ATP8B2: variants seen among roughly 807,000 people sequenced by gnomAD.
The protein encoded by ATP8B2 is ATPase phospholipid transporting 8B2.
Under a neutral mutation model 133.4 loss-of-function variants are expected in ATP8B2, and 70 were observed. The ratio of observed to expected loss-of-function variants is 0.52; its 90% CI spans 0.43 to 0.64. The LOEUF (loss-of-function observed/expected upper bound fraction) is 0.64, where lower values mean the gene tolerates loss of function less well. Ranked by LOEUF, ATP8B2 falls within the 30% of genes least tolerant of loss-of-function variation. The probability of loss-of-function intolerance (pLI) is 0.00; values close to 1 mark genes in which losing one functional copy is unlikely to be tolerated. For missense variants in ATP8B2, 1,101 were observed against 1,535.7 expected, an observed-to-expected ratio of 0.72 and a Z score of 4.73; for synonymous variants, 517 against 589.5, an observed-to-expected ratio of 0.88 and a Z score of 1.78.
intron 11 of ATP8B2, among the ~76,000 whole-genome samples, chr1:154,336,006 C>T (rs2149165663): frequency 6.7e-6 from 1 of 148,504 alleles, no homozygotes; most frequent in South Asian, 2.1e-4. Flanking sequence ...CGCGCCACTG[C>T]ACTCCAGCCT....
intron 11 of ATP8B2, among the ~76,000 whole-genome samples, chr1:154,335,589 G>A (rs889781563): frequency 1.3e-5 from 2 of 152,150 alleles, no homozygotes; most frequent in Non-Finnish European, 2.9e-5. Context: ...TTACTCTGGA[G>A]GCTGAGGCGG....
chr1:154,346,276 C>A lies in ATP8B2; in HGVS notation c.2824C>A (p.Pro942Thr), dbSNP rs1356823790. 6.2e-7 allele frequency: 1 copy of A among 1,614,132 alleles called. No homozygotes were observed. The highest frequency in any genetic ancestry group is 1.3e-5 in the African/African-American group (1 of 75,026). Residue 942 changes from proline to threonine, a missense_variant, in exon 25 of 28, where the codon CCG becomes ACG. Coordinates refer to ENST00000368489, the MANE Select transcript of ATP8B2 (RefSeq NM_001370597.1). The surrounding 1 kb of genome is among the most constrained non-coding windows in gnomAD (Gnocchi z 4.5). ...RSMEYPKLYE[P>T]GQLNLLFNKR... ...CATGGAGTACCCTAAGCTGTATGAG[C>A]CGGGCCAGCTGAACCTTCTCTTCAA...
rs769072068 is a variant in ATP8B2 at position 154,330,811 on chromosome 1, A to G, written c.91-4A>G. ...GCTCATTATCTTCTCTCCTACTGCC[A>G]TAGAGTAACTGCATCAAGACCTCCA... On this transcript the variant is annotated splice_region_variant and splice_polypyrimidine_tract_variant and intron_variant, in intron 3 of 27. Transcript: ENST00000368489. 1.2e-6 allele frequency: 2 copies of G among 1,610,994 alleles called. No homozygotes were observed. Among genetic ancestry groups the G allele is most frequent in the Non-Finnish European group, 1.7e-6 (2 of 1,177,142 alleles).
rs1377940464 is a variant in ATP8B2 at position 154,328,019 on chromosome 1, GAAGAGGGTCTTCAA to G, written c.-37-79_-37-66del. 6.6e-7 allele frequency: 1 copy of G among 1,522,676 alleles called. No homozygotes were observed. Among genetic ancestry groups the G allele is most frequent in the African/African-American group, 1.4e-5 (1 of 72,894 alleles). The allele number at this position is 1,522,676 out of a possible 1,614,324, so 94.3% of individuals were successfully genotyped here. ...GGGGAGGGGCAGGGTCAGAGCTGGA[GAAGAGGGTCTTCAA>G]AAGAGGTCTCATGAGGGGAGGGAAG... On this transcript the variant is annotated intron_variant, in intron 1 of 27. Coordinates refer to ENST00000368489, the MANE Select transcript of ATP8B2 (RefSeq NM_001370597.1). This position sits in a 1 kb window ranked among gnomAD's most constrained non-coding sequence, Gnocchi z 4.6.
In ATP8B2 at chr1:154,331,204, AC is replaced by A; in HGVS notation, c.303+63del. 2 of 1,470,338 alleles carry A rather than the reference AC, an allele frequency of 1.4e-6. No individual in the cohort carries two copies. Among genetic ancestry groups the A allele is most frequent in the Non-Finnish European group, 1.9e-6 (2 of 1,067,410 alleles). 91.1% of individuals were successfully genotyped at this position (1,470,338 alleles called of 1,614,324 possible). A position where few individuals can be genotyped will look rare whatever the true frequency, so the allele number is the denominator to read the frequency against. On this transcript the variant is annotated intron_variant, in intron 5 of 27. Coordinates refer to ENST00000368489, the MANE Select transcript of ATP8B2 (RefSeq NM_001370597.1). The surrounding 1 kb of genome is among the most constrained non-coding windows in gnomAD (Gnocchi z 4.8). ...GTCACCCACCCCTACTCCCAGCCCC[AC>A]CCCCATCTCATGGCCACCTTCATCC...
In ATP8B2 at chr1:154,334,682, C is replaced by A; in HGVS notation, c.837+91C>A. The A allele has an allele frequency of 8.6e-7, 1 of 1,159,364 alleles. No homozygotes were observed. Among genetic ancestry groups the A allele is most frequent in the Non-Finnish European group, 1.2e-6 (1 of 803,686 alleles). The allele number at this position is 1,159,364 out of a possible 1,614,324, so 71.8% of individuals were successfully genotyped here. On this transcript the variant is annotated intron_variant, in intron 11 of 27. Coordinates refer to ENST00000368489, the MANE Select transcript of ATP8B2 (RefSeq NM_001370597.1). This position sits in a 1 kb window ranked among gnomAD's most constrained non-coding sequence, Gnocchi z 4.6. ...TCCTCTTTCTTCTTTGGTCAGTAGACTTCAGGTTTGGCTTTAAAGCTGCTA... is the reference window on the plus strand; with the variant it reads ...TCCTCTTTCTTCTTTGGTCAGTAGAATTCAGGTTTGGCTTTAAAGCTGCTA...
chr1:154,338,798 C>T (rs900558785), intron 12 of ATP8B2: 1 of 152,112 alleles, frequency 6.6e-6, no homozygotes, highest in Non-Finnish European at 1.5e-5. Flanking sequence ...TTCACTGGAA[C>T]CCCTCCCCCA....
chr1:154,339,001 G>A (rs911782455), intron 12 of ATP8B2, among the ~76,000 whole-genome samples: 1 of 152,188 alleles, frequency 6.6e-6, no homozygotes. Context: ...AATGGCCAGG[G>A]GAAAGGAACT....
At position 154,325,646 on chromosome 1, in the gene ATP8B2, C is replaced by G. The variant is rs1461042691; in HGVS notation, c.-94C>G. Reference sequence around the variant, plus strand: ...CCGAGCCGAGCGCCCCCCGCCCCAGCCCCCGGCATGGGCAGTACGGGGCCG... The same window carrying G: ...CCGAGCCGAGCGCCCCCCGCCCCAGGCCCCGGCATGGGCAGTACGGGGCCG... On this transcript the variant is annotated 5_prime_UTR_variant, in exon 1 of 28. Coordinates refer to ENST00000368489, the MANE Select transcript of ATP8B2 (RefSeq NM_001370597.1). The G allele has an allele frequency of 2.0e-5, 3 of 152,012 alleles. No homozygotes were observed. Among genetic ancestry groups the G allele is most frequent in the African/African-American group, 7.3e-5 (3 of 41,376 alleles). The allele number at this position is 152,012 out of a possible 1,614,324, so 9.4% of individuals were successfully genotyped here.
intron 8 of ATP8B2, among the ~76,000 whole-genome samples, 197 bp downstream of exon 8, chr1:154,332,221 G>T (rs1275061234): frequency 6.6e-6 from 1 of 152,178 alleles, no homozygotes; most frequent in Non-Finnish European, 1.5e-5. Context: ...ATGCTTAGGT[G>T]TCACCAGGTA....
At position 154,331,909 on chromosome 1, in the gene ATP8B2, G is replaced by C; in HGVS notation, c.439-45G>C. 3 of 1,570,494 alleles carry C rather than the reference G, an allele frequency of 1.9e-6. No homozygotes were observed. Among genetic ancestry groups the C allele is most frequent in the Non-Finnish European group, 2.6e-6 (3 of 1,140,490 alleles). ...GAGCCACCATTACAGCCCACTGGGG[G>C]TGGAGGTTTGCATATTTGGACTTCT... is the stretch of plus-strand genomic sequence containing the variant. On this transcript the variant is annotated intron_variant, in intron 7 of 27. Transcript: ENST00000368489. The surrounding 1 kb of genome is among the most constrained non-coding windows in gnomAD (Gnocchi z 4.8).
Position 154,334,212 on chromosome 1 carries a change from G to A in ATP8B2, c.695G>A (p.Arg232Gln). The A allele has an allele frequency of 1.9e-6, 3 of 1,614,186 alleles. No homozygotes were observed. The highest frequency in any genetic ancestry group is 1.1e-5 in the South Asian group (1 of 91,076). Residue 232 changes from arginine to glutamine, a missense_variant, in exon 10 of 28, where the codon CGG (arginine) becomes CAG (glutamine). Physicochemically the swap from Arg to Gln is conservative, Grantham distance 43. Coordinates refer to ENST00000368489, the MANE Select transcript of ATP8B2 (RefSeq NM_001370597.1). This position sits in a 1 kb window ranked among gnomAD's most constrained non-coding sequence, Gnocchi z 4.6. Reference protein sequence around the residue: ...FPLSNQNMLLRGCVLRNTEWC... With the variant: ...FPLSNQNMLLQGCVLRNTEWC... Reference sequence around the variant, plus strand: ...CTGAGCAACCAGAACATGCTGCTGCGGGGCTGTGTGCTGCGAAACACCGAG... The same window carrying A: ...CTGAGCAACCAGAACATGCTGCTGCAGGGCTGTGTGCTGCGAAACACCGAG...
intron 12 of ATP8B2, 136 bp downstream of exon 12, chr1:154,337,680 T>G (rs777901622): frequency 6.3e-7 from 1 of 1,590,618 alleles, no homozygotes; most frequent in Middle Eastern, 1.7e-4. Flanking sequence ...TTTGATGTTA[T>G]CTGTTTATCT....
chr1:154,327,810 T>C, intron 1 of ATP8B2: 1 of 1,613,838 alleles, frequency 6.2e-7, no homozygotes, highest in South Asian at 1.1e-5. Context: ...ATGGATACCT[T>C]GAGAGCTGTT....
At position 154,345,470 on chromosome 1, in the gene ATP8B2, C is replaced by T. The variant is rs1175770545; in HGVS notation, c.2619C>T (p.Cys873=). ...WSYLRMCKFL[C]YFFYKNFAFT... is the part of the protein sequence containing the mutation. ...ACCTGCGAATGTGCAAGTTTCTTTG[C>T]TATTTCTTCTACAAAAACTTTGCTT... Residue 873 remains cysteine (C), a synonymous_variant, in exon 23 of 28, where the codon TGC becomes TGT. Transcript: ENST00000368489. The surrounding 1 kb of genome is among the most constrained non-coding windows in gnomAD (Gnocchi z 5.6). 6.2e-7 allele frequency: 1 copy of T among 1,614,082 alleles called. No homozygotes were observed. Among genetic ancestry groups the T allele is most frequent in the African/African-American group, 1.3e-5 (1 of 74,934 alleles).
intron 2 of ATP8B2, chr1:154,329,220 T>G: frequency 1.3e-6 from 1 of 771,946 alleles, no homozygotes; most frequent in Non-Finnish European, 1.8e-6. Context: ...ATCCAGTCCC[T>G]ACCTTCTTCG....
chr1:154,327,185 C>G (rs562007481), intron 1 of ATP8B2, among the ~76,000 whole-genome samples: 15 of 152,272 alleles, frequency 9.9e-5, no homozygotes, highest in African/African-American at 2.9e-4. Flanking sequence ...AGGCTAAAGG[C>G]AGAGGGAACC....
intron 2 of ATP8B2, among the ~76,000 whole-genome samples, chr1:154,329,796 G>C (rs1223440300): frequency 6.6e-5 from 10 of 152,108 alleles, no homozygotes. Context: ...TTTGAAATAA[G>C]GTGATGTCAT....
Position 154,340,766 on chromosome 1 carries a change from C to A in ATP8B2, c.1035-88C>A. The A allele has an allele frequency of 7.9e-7, 1 of 1,261,670 alleles. No individual in the cohort carries two copies. Among genetic ancestry groups the A allele is most frequent in the African/African-American group, 1.5e-5 (1 of 67,710 alleles). The allele number at this position is 1,261,670 out of a possible 1,614,324, so 78.2% of individuals were successfully genotyped here. A position where few individuals can be genotyped will look rare whatever the true frequency, so the allele number is the denominator to read the frequency against. ...TGTCTTCTCCGTTCTTGTCTCTCCC[C>A]AGGCGGAGGGCCTGCAGCGAAGGCC... is the stretch of plus-strand genomic sequence containing the variant. On this transcript the variant is annotated intron_variant, in intron 12 of 27. Coordinates refer to ENST00000368489, the MANE Select transcript of ATP8B2 (RefSeq NM_001370597.1). The surrounding 1 kb of genome is among the most constrained non-coding windows in gnomAD (Gnocchi z 4.0).
Sources: allele counts gnomAD v4.1 joint callset (sites outside exome capture counted in the v4.1 genomes callset), GRCh38; gene constraint gnomAD v4.1.1; non-coding constraint Gnocchi (gnomAD v3.1); transcripts MANE v1.5; gene names NCBI Gene and HGNC (gene_info 2026-07-23, HGNC 2026-07-21).